RBFOX1: variants seen among roughly 807,000 people sequenced by gnomAD.
RBFOX1 encodes the protein RNA binding protein fox-1 homolog 1.
RBFOX1 carries 8 observed loss-of-function variants against 57.7 expected under a neutral mutation model. That is an observed-to-expected ratio of 0.14 (90% CI 0.08 to 0.25). The LOEUF is 0.25. Ranked by LOEUF, RBFOX1 falls within the 10% of genes least tolerant of loss-of-function variation. The probability of loss-of-function intolerance (pLI) is 1.00; values close to 1 mark genes in which losing one functional copy is unlikely to be tolerated. For missense variants in RBFOX1, 611 were observed against 548.5 expected (o/e 1.11, Z -1.14); for synonymous variants, 326 against 222.4 (o/e 1.47, Z -4.15).
chr16:6,468,047 C>G (rs2095090674), intron 2 of RBFOX1, among the ~76,000 whole-genome samples: 1 of 152,070 alleles, frequency 6.6e-6, no homozygotes, highest in African/African-American at 2.4e-5. Flanking sequence ...TCTGTGTCTC[C>G]TGGGAGATGG....
intron 4 of RBFOX1, among the ~76,000 whole-genome samples, chr16:7,210,917 A>C (rs2090998467): frequency 1.3e-5 from 2 of 151,578 alleles, no homozygotes; most frequent in Admixed American, 1.3e-4. Flanking sequence ...CTATAAAAGA[A>C]AAAAAAATTT....
At chr16:7,454,228 G>A (rs567030568) in intron 4 of RBFOX1, among the ~76,000 whole-genome samples, 9 of 152,142 alleles carry the variant, frequency 5.9e-5, no homozygotes, top group South Asian at 2.1e-4. Flanking sequence ...GCGAGACTCC[G>A]TCCCCCACCA....
At chr16:5,572,279 A>C (rs937489305) in intron 2 of RBFOX1, among the ~76,000 whole-genome samples, 1 of 152,142 alleles carries the variant, frequency 6.6e-6, no homozygotes, top group South Asian at 2.1e-4. Flanking sequence ...CTTCATTCTT[A>C]TCTTTGAACA....
intron 3 of RBFOX1, among the ~76,000 whole-genome samples, chr16:7,037,594 C>G (rs1369054774): frequency 6.6e-6 from 1 of 152,178 alleles, no homozygotes; most frequent in Admixed American, 6.5e-5. Context: ...AGTTTACTTT[C>G]TTGTAGTGAA....
intron 4 of RBFOX1, among the ~76,000 whole-genome samples, chr16:7,305,785 G>T (rs1042157211): frequency 6.6e-6 from 1 of 152,084 alleles, no homozygotes; most frequent in Non-Finnish European, 1.5e-5. Context: ...AAAATCTTGG[G>T]AACCAATTTG....
intron 3 of RBFOX1, among the ~76,000 whole-genome samples, chr16:6,721,593 C>T (rs2066003727): frequency 6.6e-6 from 1 of 152,164 alleles, no homozygotes; most frequent in South Asian, 2.1e-4. Context: ...GCTCCCCATT[C>T]TCCTTACCCT....
At chr16:6,148,076 C>G (rs1421029674) in intron 1 of RBFOX1, among the ~76,000 whole-genome samples, 1 of 152,198 alleles carries the variant, frequency 6.6e-6, no homozygotes, top group Admixed American at 6.5e-5. Context: ...AGCCTGTAAT[C>G]CCAGCACTTC....
intron 4 of RBFOX1, among the ~76,000 whole-genome samples, chr16:5,954,308 C>T (rs2059581215): frequency 1.3e-5 from 2 of 152,180 alleles, no homozygotes; most frequent in Admixed American, 6.5e-5. Context: ...CTCAGGTGAG[C>T]ATCCTCCTGT....
At chr16:7,067,286 T>TTG (rs1453538828) in intron 4 of RBFOX1, among the ~76,000 whole-genome samples, 1 of 139,372 alleles carries the variant, frequency 7.2e-6, no homozygotes, top group Non-Finnish European at 1.6e-5. Flanking sequence ...TAGTTTTTTA[T>TTG]TGTGGCCCTA....
chr16:7,191,675 G>C (rs567020306), intron 4 of RBFOX1, among the ~76,000 whole-genome samples: 1 of 152,178 alleles, frequency 6.6e-6, no homozygotes, highest in African/African-American at 2.4e-5. Flanking sequence ...CGTCAGAAGG[G>C]CATGCTCACG....
At chr16:7,389,959 G>T (rs2097965079) in intron 4 of RBFOX1, among the ~76,000 whole-genome samples, 1 of 152,154 alleles carries the variant, frequency 6.6e-6, no homozygotes, top group Non-Finnish European at 1.5e-5. Context: ...AAGGAAAGAG[G>T]TTTAATTGGC....
chr16:7,336,779 A>G (rs1327241072), intron 4 of RBFOX1, among the ~76,000 whole-genome samples: 2 of 152,214 alleles, frequency 1.3e-5, no homozygotes, highest in South Asian at 2.1e-4. Context: ...TATATCTGTA[A>G]TTGTAAATTC....
At chr16:5,948,136 G>A (rs993993070) in intron 4 of RBFOX1, among the ~76,000 whole-genome samples, 7 of 152,116 alleles carry the variant, frequency 4.6e-5, no homozygotes, top group Middle Eastern at 3.5e-3. Context: ...CAGGACAGGG[G>A]TGACTCTTTC....
intron 3 of RBFOX1, among the ~76,000 whole-genome samples, chr16:6,850,193 G>C (rs765549786): frequency 5.3e-5 from 8 of 152,110 alleles, no homozygotes; most frequent in Non-Finnish European, 7.3e-5. Context: ...AGTGAATTCA[G>C]TTGTTCCTCA....
intron 4 of RBFOX1, among the ~76,000 whole-genome samples, chr16:7,161,607 A>G (rs564085556): frequency 7.2e-5 from 11 of 152,132 alleles, no homozygotes; most frequent in Non-Finnish European, 1.5e-4. Flanking sequence ...TAATGTTTGA[A>G]TCTCGGCTAA....
At chr16:6,953,395 G>A (rs1253578192) in intron 3 of RBFOX1, among the ~76,000 whole-genome samples, 1 of 150,676 alleles carries the variant, frequency 6.6e-6, no homozygotes, top group East Asian at 1.9e-4. Context: ...TGTTGTTATT[G>A]TTTTTTTTTG....
chr16:7,000,415 A>C (rs957527895), intron 3 of RBFOX1, among the ~76,000 whole-genome samples: 3 of 152,034 alleles, frequency 2.0e-5, no homozygotes, highest in Non-Finnish European at 4.4e-5. Flanking sequence ...TGTTGAGGTC[A>C]CCGGGTCATT....
At chr16:7,514,199 G>C (rs545930924) in intron 4 of RBFOX1, among the ~76,000 whole-genome samples, 1 of 151,976 alleles carries the variant, frequency 6.6e-6, no homozygotes, top group Non-Finnish European at 1.5e-5. Flanking sequence ...GTACAAAAGC[G>C]GCTACAGACA....
chr16:6,800,846 T>C (rs1312277468), intron 3 of RBFOX1, among the ~76,000 whole-genome samples: 1 of 152,138 alleles, frequency 6.6e-6, no homozygotes, highest in African/African-American at 2.4e-5. Context: ...GGAAGGATTT[T>C]TCATTTTCTT....
Sources: gnomAD v4.1 joint callset for allele counts (sites outside exome capture counted in the v4.1 genomes callset) on GRCh38, gnomAD v4.1.1 for gene constraint, MANE v1.5 for transcripts, NCBI Gene and HGNC (gene_info 2026-07-23, HGNC 2026-07-21) for gene names.